The following JAK1 variants were observed in gnomAD, a reference collection of about 807,000 sequenced individuals.
JAK1 encodes Janus kinase 1.
JAK1 carries 16 observed loss-of-function variants against 136.6 expected under a neutral mutation model. That is an observed-to-expected ratio of 0.12 (90% confidence interval 0.08 to 0.18). JAK1 has a LOEUF of 0.18. Ranked by LOEUF, JAK1 falls within the 10% of genes least tolerant of loss-of-function variation. The probability of loss-of-function intolerance (pLI) is 1.00; values close to 1 mark genes in which losing one functional copy is unlikely to be tolerated. For synonymous variants in JAK1, 492 were observed against 519.5 expected, an observed-to-expected ratio of 0.95 and a Z score of 0.72; for missense variants, 859 against 1,450.1, an observed-to-expected ratio of 0.59 and a Z score of 6.62.
chr1:65,051,959 G>A (rs1647296763), intron 1 of JAK1, among the ~76,000 whole-genome samples: 1 of 151,994 alleles, frequency 6.6e-6, no homozygotes. Context: ...ATACCTGCTT[G>A]CTTATTTGTT....
chr1:64,961,262 G>A (rs78282298), intron 1 of JAK1, among the ~76,000 whole-genome samples: 1,721 of 152,230 alleles, frequency 0.011, 38 homozygotes, highest in African/African-American at 0.039. Flanking sequence ...TGCTTGGCTC[G>A]AAGCCTTTCT....
At chr1:64,847,204 G>A (rs2101012519) in intron 13 of JAK1, among the ~76,000 whole-genome samples, 1 of 152,278 alleles carries the variant, frequency 6.6e-6, no homozygotes, top group African/African-American at 2.4e-5. Context: ...TGTGTGGTGA[G>A]AGCCATGGAC....
intron 1 of JAK1, among the ~76,000 whole-genome samples, chr1:64,902,327 A>G (rs7525150): frequency 0.79 from 119,325 of 151,994 alleles, 48,244 homozygotes; most frequent in Non-Finnish European, 0.89. Flanking sequence ...TAAAGGGAGT[A>G]AAATCATCAG....
chr1:64,877,601 G>C (rs930161928), intron 4 of JAK1, among the ~76,000 whole-genome samples: 1 of 151,866 alleles, frequency 6.6e-6, no homozygotes, highest in Non-Finnish European at 1.5e-5. Context: ...TCCCTTTTCT[G>C]GGTATTAGTT....
At chr1:65,001,275 TTTATC>T (rs1212625470) in intron 2 of JAK1, among the ~76,000 whole-genome samples, 1 of 152,168 alleles carries the variant, frequency 6.6e-6, no homozygotes, top group Non-Finnish European at 1.5e-5. Context: ...GACCCACGCG[TTTATC>T]TTTCACTGGG....
chr1:64,973,910 AT>A (rs1389181870), intron 2 of JAK1: 1 of 152,136 alleles, frequency 6.6e-6, no homozygotes, highest in Admixed American at 6.6e-5. Context: ...GAATATATAT[AT>A]TTTTCCTTAA....
chr1:64,843,934 G>T, intron 17 of JAK1, 130 bp downstream of exon 17: 5 of 976,358 alleles, frequency 5.1e-6, no homozygotes, highest in Non-Finnish European at 7.7e-6. Flanking sequence ...CACACACCCA[G>T]TAGGCCCGTG....
intron 2 of JAK1, among the ~76,000 whole-genome samples, chr1:64,989,002 GTATATATATA>G (rs57569640): frequency 0.024 from 3,120 of 129,190 alleles, 117 homozygotes; most frequent in African/African-American, 0.084. Context: ...GTGTGTGTGT[GTATATATATA>G]TATATATATA....
At chr1:64,998,908 A>T (rs1356346036) in intron 2 of JAK1, among the ~76,000 whole-genome samples, 1 of 152,232 alleles carries the variant, frequency 6.6e-6, no homozygotes, top group Admixed American at 6.5e-5. Flanking sequence ...TGTCTTTATC[A>T]GCCACGTGAA....
intron 2 of JAK1, among the ~76,000 whole-genome samples, chr1:65,024,660 C>CAAAAAAAAAAA (rs11349903): frequency 7.2e-5 from 5 of 69,862 alleles, no homozygotes; most frequent in Admixed American, 1.6e-4. Context: ...TGGTCCAAAG[C>CAAAAAAAAAAA]AAAAAAAAAA....
At chr1:64,928,787 A>AAAAAAAAAAAAAAAAAAAAC (rs1645631562) in intron 1 of JAK1, among the ~76,000 whole-genome samples, 6 of 92,582 alleles carry the variant, frequency 6.5e-5, no homozygotes, top group Admixed American at 1.2e-4. Context: ...GCAAAAAAAA[A>AAAAAAAAAAAAAAAAAAAAC]AAAAAAAAAC....
At chr1:64,982,765 CTG>C (rs1646560376) in intron 2 of JAK1, among the ~76,000 whole-genome samples, 1 of 146,422 alleles carries the variant, frequency 6.8e-6, no homozygotes, top group African/African-American at 2.6e-5. Context: ...ATAATATTTT[CTG>C]TCTTTTTTTT....
intron 1 of JAK1, among the ~76,000 whole-genome samples, chr1:64,921,605 AG>A (rs1645495000): frequency 6.6e-6 from 1 of 152,122 alleles, no homozygotes; most frequent in African/African-American, 2.4e-5. Context: ...GGCTGAACTG[AG>A]ACAAGCACTC....
At chr1:64,842,841 A>G (rs1654992125) in intron 17 of JAK1, among the ~76,000 whole-genome samples, 1 of 152,208 alleles carries the variant, frequency 6.6e-6, no homozygotes, top group Admixed American at 6.5e-5. Context: ...CTGCGGGTTT[A>G]AGATCCTTTC....
At chr1:65,032,608 C>T (rs975702756) in intron 2 of JAK1, among the ~76,000 whole-genome samples, 3 of 152,170 alleles carry the variant, frequency 2.0e-5, no homozygotes, top group African/African-American at 7.2e-5. Flanking sequence ...CTTGATGTTA[C>T]TGTTATAATC....
At chr1:65,039,331 T>A (rs1322681752) in intron 2 of JAK1, among the ~76,000 whole-genome samples, 1 of 152,316 alleles carries the variant, frequency 6.6e-6, no homozygotes, top group East Asian at 1.9e-4. Flanking sequence ...AACCTTGTTA[T>A]AAAAGTTCCT....
At chr1:65,034,921 C>T (rs1027539610) in intron 2 of JAK1, among the ~76,000 whole-genome samples, 7 of 151,994 alleles carry the variant, frequency 4.6e-5, no homozygotes, top group South Asian at 2.1e-4. Flanking sequence ...CCAGGCATGG[C>T]GGTGTGCGCC....
At chr1:64,845,398 C>G in intron 15 of JAK1, 115 bp downstream of exon 15, 1 of 1,204,636 alleles carries the variant, frequency 8.3e-7, no homozygotes, top group South Asian at 1.3e-5. Flanking sequence ...GCCCTGGCCC[C>G]ATGGAACCCA....
intron 1 of JAK1, among the ~76,000 whole-genome samples, chr1:64,938,875 C>T (rs192015076): frequency 3.9e-5 from 6 of 152,248 alleles, no homozygotes; most frequent in South Asian, 2.1e-4. Context: ...AACAGAATCA[C>T]GGGTCTCTAT....
Sources: allele counts gnomAD v4.1 joint callset (sites outside exome capture counted in the v4.1 genomes callset), GRCh38; gene constraint gnomAD v4.1.1; transcripts MANE v1.5; gene names NCBI Gene and HGNC (gene_info 2026-07-23, HGNC 2026-07-21).